Variants in PAK3 observed in about 807,000 individuals in gnomAD.
The protein encoded by PAK3 is serine/threonine-protein kinase PAK 3.
Under a neutral mutation model 41.0 loss-of-function variants are expected in PAK3, and 4 were observed. The ratio of observed to expected loss-of-function variants is 0.10; its 90% CI spans 0.05 to 0.22. The LOEUF is 0.22. Among genes scored for constraint, PAK3 ranks in the 10% least tolerant of loss-of-function variants. PAK3 has a pLI of 1.00. For missense variants in PAK3, 205 were observed against 409.9 expected, an observed-to-expected ratio of 0.50 and a Z score of 4.32; for synonymous variants, 146 against 139.6, an observed-to-expected ratio of 1.05 and a Z score of -0.32.
chrX:111,053,701 G>A (rs1197126371), intron 1 of PAK3, among the ~76,000 whole-genome samples: 1 of 110,395 alleles, frequency 9.1e-6, no homozygotes, highest in Non-Finnish European at 1.9e-5. Flanking sequence ...CATCCAGCCC[G>A]GAGCTCTTTC....
At chrX:111,151,007 A>G (rs1032887647) in intron 7 of PAK3, among the ~76,000 whole-genome samples, 3 of 111,625 alleles carry the variant, frequency 2.7e-5, no homozygotes, top group African/African-American at 9.8e-5. Context: ...GGCCATATCA[A>G]ATATCAAAGC....
At chrX:111,122,527 G>T (rs751432864) in intron 4 of PAK3, among the ~76,000 whole-genome samples, 13 of 110,642 alleles carry the variant, frequency 1.2e-4, no homozygotes, top group Admixed American at 1.2e-3. Context: ...CCAGATCTAT[G>T]GGATGGTTTC....
rs189776955 is a variant in PAK3 at position 111,151,740 on chromosome X, G to A, written c.431-670G>A. Among the ~76,000 whole-genome samples, 24 of 111,736 alleles carry A rather than the reference G, an allele frequency of 2.1e-4. No homozygotes were observed. In the South Asian group the frequency reaches 4.5e-3, roughly 21 times the overall value. On this transcript the variant is annotated intron_variant, in intron 7 of 17. Coordinates refer to ENST00000372007, the MANE Select transcript of PAK3 (RefSeq NM_002578.5). ...AACAACAATAACCAATAATAAAGTAGAACAATTATAACAATATGCCAGCAT... is the reference window on the plus strand; with the variant it reads ...AACAACAATAACCAATAATAAAGTAAAACAATTATAACAATATGCCAGCAT...
intron 1 of PAK3, among the ~76,000 whole-genome samples, chrX:111,053,645 C>G (rs1330422111): frequency 9.0e-6 from 1 of 110,824 alleles, no homozygotes. Flanking sequence ...AGCTGTCTGC[C>G]CAACTATGAC....
intron 1 of PAK3, among the ~76,000 whole-genome samples, chrX:111,067,294 GTACTT>G (rs2092708603): frequency 1.8e-5 from 2 of 111,725 alleles, no homozygotes; most frequent in South Asian, 7.4e-4. Context: ...TATTTATTGA[GTACTT>G]TATATTGCCC....
intron 1 of PAK3, among the ~76,000 whole-genome samples, chrX:110,973,062 T>G (rs2091247599): frequency 8.9e-6 from 1 of 111,755 alleles, no homozygotes; most frequent in African/African-American, 3.3e-5. Flanking sequence ...TATGGCAGTA[T>G]GTGAAAAGAC....
chrX:111,181,211 C>T (rs1262627899), intron 11 of PAK3, among the ~76,000 whole-genome samples: 1 of 112,075 alleles, frequency 8.9e-6, no homozygotes, highest in African/African-American at 3.2e-5. Flanking sequence ...TAGTCCATGT[C>T]TTTATAATGC....
intron 17 of PAK3, chrX:111,217,084 C>T (rs2094887668): frequency 2.8e-6 from 2 of 705,439 alleles, no homozygotes; most frequent in Non-Finnish European, 3.4e-6. Flanking sequence ...GATTAGTATA[C>T]ATGATGAGAA....
chrX:110,973,429 A>G (rs1424935787), intron 1 of PAK3, among the ~76,000 whole-genome samples: 1 of 112,272 alleles, frequency 8.9e-6, no homozygotes, highest in Non-Finnish European at 1.9e-5. Context: ...TAAAGAAAAG[A>G]ATTTCCAACC....
rs1267811811 is a variant in PAK3 at position 111,224,532 on chromosome X, T to C, written c.*4085T>C. ...GTCCCACTAATTTCAATAGAAGTTA[T>C]GACTTGCAATTAAAAGCTGACTTTG... On this transcript the variant is annotated 3_prime_UTR_variant, in exon 18 of 18. Transcript: ENST00000372007. 8.9e-6 allele frequency: 1 copy of C among 112,540 alleles called. No homozygotes were observed. The highest frequency in any genetic ancestry group is 1.9e-5 in the Non-Finnish European group (1 of 53,355). 9.3% of individuals were successfully genotyped at this position (112,540 alleles called of 1,213,427 possible). A position where few individuals can be genotyped will look rare whatever the true frequency, so the allele number is the denominator to read the frequency against.
In PAK3 at chrX:111,223,622, C is replaced by A. The variant is rs1446068499; in HGVS notation, c.*3175C>A. The A allele has an allele frequency of 9.0e-6, 1 of 110,618 alleles. No individual in the cohort carries two copies. The highest frequency in any genetic ancestry group is 3.3e-5 in the African/African-American group (1 of 30,339). The allele number at this position is 110,618 out of a possible 1,213,427, so 9.1% of individuals were successfully genotyped here. ...ACCTGATCCTTACATCTATCCCTCC[C>A]CGGTGAAGCACATTCCATTGCTAAA... On this transcript the variant is annotated 3_prime_UTR_variant, in exon 18 of 18. Transcript: ENST00000372007.
At chrX:111,079,372 T>C (rs979646901) in intron 1 of PAK3, among the ~76,000 whole-genome samples, 3 of 111,682 alleles carry the variant, frequency 2.7e-5, no homozygotes, top group Admixed American at 9.5e-5. Flanking sequence ...CTAGGGCCCT[T>C]AAGAATTATG....
chrX:111,111,094 G>A (rs1465176151), intron 4 of PAK3, among the ~76,000 whole-genome samples: 1 of 111,643 alleles, frequency 9.0e-6, no homozygotes, highest in East Asian at 2.8e-4. Flanking sequence ...ATATTCCCAT[G>A]CTGATGGCCT....
chrX:111,202,348 C>A (rs754783047), intron 16 of PAK3, among the ~76,000 whole-genome samples: 7 of 111,082 alleles, frequency 6.3e-5, no homozygotes, highest in African/African-American at 2.3e-4. Flanking sequence ...GAGGCTTGTA[C>A]CCTTCCAGAG....
intron 1 of PAK3, among the ~76,000 whole-genome samples, chrX:111,036,665 A>G (rs1196726899): frequency 8.9e-6 from 1 of 112,039 alleles, no homozygotes; most frequent in Non-Finnish European, 1.9e-5. Context: ...GAGCCAAACC[A>G]TATTAGCTTA....
intron 1 of PAK3, among the ~76,000 whole-genome samples, chrX:110,949,752 C>A (rs1354448575): frequency 9.0e-6 from 1 of 110,783 alleles, no homozygotes; most frequent in Non-Finnish European, 1.9e-5. Flanking sequence ...ATCCTGAATT[C>A]GAGATAAAAA....
chrX:111,100,235 G>C lies in PAK3; in HGVS notation c.-176+2551G>C, dbSNP rs145978910. 2.2e-4 allele frequency among the ~76,000 whole-genome samples: 24 copies of C among 111,022 alleles called. 1 individual carries two copies. In the East Asian group the frequency reaches 6.6e-3, roughly 30 times the overall value. On this transcript the variant is annotated intron_variant, in intron 3 of 17. Transcript: ENST00000372007. ...AGAAAGTCTTGGGATGAAGGTGAAGGAAGGGCCTGGCTTAGGGCGTATATC... is the reference window on the plus strand; with the variant it reads ...AGAAAGTCTTGGGATGAAGGTGAAGCAAGGGCCTGGCTTAGGGCGTATATC...
chrX:111,017,931 T>TA (rs1176736860), intron 1 of PAK3, among the ~76,000 whole-genome samples: 1 of 111,308 alleles, frequency 9.0e-6, no homozygotes, highest in Non-Finnish European at 1.9e-5. Flanking sequence ...GGGTCAACAT[T>TA]AAAAAAATCA....
At chrX:111,095,071 T>C (rs545033016), upstream of PAK3, among the ~76,000 whole-genome samples, 3 of 111,830 alleles carry the variant, frequency 2.7e-5, no homozygotes, top group African/African-American at 9.7e-5. Context: ...ACCTATTTTG[T>C]TGGCATTATG....
Sources: allele counts gnomAD v4.1 joint callset (sites outside exome capture counted in the v4.1 genomes callset), GRCh38; gene constraint gnomAD v4.1.1; transcripts MANE v1.5; gene names NCBI Gene and HGNC (gene_info 2026-07-23, HGNC 2026-07-21).